PDE4A: variants seen among roughly 807,000 people sequenced by gnomAD.
The protein encoded by PDE4A is 3',5'-cyclic-AMP phosphodiesterase 4A.
In PDE4A, 21 loss-of-function variants were observed where a neutral mutation model predicts 73.9. The ratio of observed to expected loss-of-function variants is 0.28; its 90% CI spans 0.20 to 0.41. The LOEUF is 0.41. Ranked by LOEUF, PDE4A falls within the 10% of genes least tolerant of loss-of-function variation. The probability of loss-of-function intolerance (pLI) is 1.00; values close to 1 mark genes in which losing one functional copy is unlikely to be tolerated. For synonymous variants in PDE4A, 463 were observed against 505.4 expected (o/e 0.92, Z 1.13); for missense variants, 958 against 1,211.4 (o/e 0.79, Z 3.10).
In PDE4A at chr19:10,459,773, C is replaced by G; in HGVS notation, c.1365+14C>G. 6.3e-7 allele frequency: 1 copy of G among 1,590,378 alleles called. No homozygotes were observed. ...CCTGCACTAGATGTGAGTGACTGCC[C>G]TGTGAGTGACCGTCCCCATCTCTCT... On this transcript the variant is annotated intron_variant, in intron 10 of 14. Coordinates refer to ENST00000380702, the MANE Select transcript of PDE4A (RefSeq NM_001111307.2).
intron 1 of PDE4A, among the ~76,000 whole-genome samples, chr19:10,437,264 C>T (rs903751441): frequency 1.6e-4 from 25 of 152,162 alleles, no homozygotes; most frequent in Admixed American, 5.2e-4. Context: ...GCTGAGATCA[C>T]AGGCGCACAC....
chr19:10,433,540 A>G (rs1438759747), intron 1 of PDE4A, among the ~76,000 whole-genome samples: 1 of 152,100 alleles, frequency 6.6e-6, no homozygotes, highest in Non-Finnish European at 1.5e-5. Flanking sequence ...TCAGAAATAC[A>G]CAGATAAAGA....
At chr19:10,430,872 A>C in intron 1 of PDE4A, 29 of 1,350,680 alleles carry the variant, frequency 2.1e-5, no homozygotes, top group East Asian at 3.6e-5. Context: ...CCTAGGCCGC[A>C]TCCCGGAGCT....
upstream of PDE4A, chr19:10,418,703 C>T (rs1599391502): frequency 1.0e-6 from 1 of 966,730 alleles, no homozygotes. Context: ...TCGTTTCCTC[C>T]TTCTTCTGCA....
chr19:10,436,487 G>A (rs1178950079), intron 1 of PDE4A, among the ~76,000 whole-genome samples: 1 of 152,082 alleles, frequency 6.6e-6, no homozygotes, highest in South Asian at 2.1e-4. Flanking sequence ...CCTGAGAGGC[G>A]GAGGTTGCAG....
chr19:10,451,024 G>A, intron 6 of PDE4A, 83 bp downstream of exon 6: 1 of 1,346,172 alleles, frequency 7.4e-7, no homozygotes, highest in Non-Finnish European at 1.0e-6. Flanking sequence ...GATGGGACCA[G>A]TGGGCGCGGC....
chr19:10,418,993 G>C (rs1457200345), upstream of PDE4A: 3 of 983,224 alleles, frequency 3.1e-6, no homozygotes, highest in Non-Finnish European at 3.6e-6. Flanking sequence ...CTCGGCGTTC[G>C]CCCACGCCGG....
chr19:10,417,718 G>A (rs751108028), upstream of PDE4A: 6 of 1,592,134 alleles, frequency 3.8e-6, 1 homozygote, highest in South Asian at 5.6e-5. Context: ...GACCTGCGTC[G>A]CCCTCGCCGC....
intron 6 of PDE4A, chr19:10,452,948 A>G: frequency 8.7e-7 from 1 of 1,143,388 alleles, no homozygotes; most frequent in Non-Finnish European, 1.1e-6. Context: ...ACGGGTGCAC[A>G]CACAGAGCTC....
chr19:10,418,964 A>G, upstream of PDE4A: 1 of 975,752 alleles, frequency 1.0e-6, no homozygotes, highest in Non-Finnish European at 1.2e-6. Context: ...GCGGCTGCTG[A>G]TGGGGGGGCC....
chr19:10,467,414 C>T lies in PDE4A; in HGVS notation c.2454C>T (p.Ser818=), dbSNP rs777375777. The T allele has an allele frequency of 1.9e-6, 3 of 1,613,984 alleles. No individual in the cohort carries two copies. In the East Asian group the frequency reaches 6.7e-5, roughly 36 times the overall value. The change falls in exon 15 of 15, where the codon AGC becomes AGT. Residue 818 remains serine (S), a synonymous_variant. Coordinates refer to ENST00000380702, the MANE Select transcript of PDE4A (RefSeq NM_001111307.2). ...GCCCCTCTGCCCTGGCTCTTCAAAG[C>T]CCCCTTCTCCCTGCTTGGAGGACCC... ...HSSPSALALQ[S]PLLPAWRTLS... is the part of the protein sequence containing the mutation.
intron 7 of PDE4A, among the ~76,000 whole-genome samples, chr19:10,455,599 G>A (rs1030058970): frequency 6.6e-6 from 1 of 151,882 alleles, no homozygotes; most frequent in East Asian, 1.9e-4. Flanking sequence ...ACACCACTGC[G>A]TTCCAGCCTG....
intron 12 of PDE4A, 96 bp from the exon 13 acceptor site, chr19:10,461,781 C>A (rs998888951): frequency 3.1e-5 from 49 of 1,581,538 alleles, no homozygotes; most frequent in Non-Finnish European, 3.8e-5. Context: ...TCAACCTGGA[C>A]AGAGCGGGCG....
chr19:10,428,598 T>C (rs995211154), intron 1 of PDE4A, among the ~76,000 whole-genome samples: 1 of 152,198 alleles, frequency 6.6e-6, no homozygotes, highest in Non-Finnish European at 1.5e-5. Context: ...TATTGAGTGC[T>C]TACTAGGTTC....
At position 10,423,680 on chromosome 19, in the gene PDE4A, A is replaced by C. The variant is rs145798059; in HGVS notation, c.320+2596A>C. ...TGGAGATGTGTGTAAAGGACTTAAC[A>C]TAATCAGTAGATCTCCATTCAGGGA... is the stretch of plus-strand genomic sequence containing the variant. On this transcript the variant is annotated intron_variant, in intron 1 of 14. Coordinates refer to ENST00000380702, the MANE Select transcript of PDE4A (RefSeq NM_001111307.2). Among the ~76,000 whole-genome samples the C allele has an allele frequency of 1.1e-3, 171 of 152,318 alleles. 1 individual carries two copies. Among genetic ancestry groups the C allele is most frequent in the African/African-American group, 4.1e-3 (170 of 41,566 alleles).
At chr19:10,446,485 C>CG in intron 2 of PDE4A, 76 bp downstream of exon 2, 1 of 1,523,518 alleles carries the variant, frequency 6.6e-7, no homozygotes, top group Non-Finnish European at 8.9e-7. Flanking sequence ...AGCAGGGAGT[C>CG]GGGGGGCACC....
At position 10,444,723 on chromosome 19, in the gene PDE4A, C is replaced by T. The variant is rs572793917; in HGVS notation, c.321-1495C>T. Among the ~76,000 whole-genome samples, 155 of 146,732 alleles carry T rather than the reference C, an allele frequency of 1.1e-3. 1 individual carries two copies. Among genetic ancestry groups the T allele is most frequent in the African/African-American group, 3.4e-3 (134 of 39,742 alleles). ...TCTTGCTCTGTTGCCCAGACTGGAGCGCAGTGGCAAGATCTTGGCCCTCAC... is the reference window on the plus strand; with the variant it reads ...TCTTGCTCTGTTGCCCAGACTGGAGTGCAGTGGCAAGATCTTGGCCCTCAC... On this transcript the variant is annotated intron_variant, in intron 1 of 14. Coordinates refer to ENST00000380702, the MANE Select transcript of PDE4A (RefSeq NM_001111307.2).
chr19:10,459,607 C>A lies in PDE4A; in HGVS notation c.1213C>A (p.Leu405Met), dbSNP rs998016952. The A allele has an allele frequency of 6.8e-6, 11 of 1,614,066 alleles. No homozygotes were observed. The highest frequency in any genetic ancestry group is 9.3e-6 in the Non-Finnish European group (11 of 1,179,940). ...TGCCTGCTCTCAGGAGCGGGACCTGCTGAAGAAATTCCGCATCCCTGTGGA... is the reference window on the plus strand; with the variant it reads ...TGCCTGCTCTCAGGAGCGGGACCTGATGAAGAAATTCCGCATCCCTGTGGA... ...MYMIFQERDL[L>M]KKFRIPVDTM... Residue 405 changes from leucine (L) to methionine (M), a missense_variant, in exon 10 of 15, where the codon CTG (leucine) becomes ATG (methionine). By Grantham distance (15) the Leu-to-Met change is conservative (BLOSUM62 2). Around this residue, in one of 3 missense-constraint regions of PDE4A, gnomAD observed 570 missense variants for 827.7 expected, o/e 0.69. Coordinates refer to ENST00000380702, the MANE Select transcript of PDE4A (RefSeq NM_001111307.2).
intron 1 of PDE4A, chr19:10,431,048 C>T (rs1330396590): frequency 1.1e-5 from 17 of 1,576,376 alleles, no homozygotes; most frequent in Non-Finnish European, 1.5e-5. Flanking sequence ...TTCTCCGCAG[C>T]TGCCAGGATT....
Sources: allele counts gnomAD v4.1 joint callset (sites outside exome capture counted in the v4.1 genomes callset), GRCh38; gene constraint gnomAD v4.1.1; regional missense constraint gnomAD v4.1.1; transcripts MANE v1.5; gene names NCBI Gene and HGNC (gene_info 2026-07-23, HGNC 2026-07-21).